The following SORL1 variants were observed in gnomAD, a reference collection of about 807,000 sequenced individuals.
The protein encoded by SORL1 is sortilin-related receptor.
Under a neutral mutation model 273.7 loss-of-function variants are expected in SORL1, and 127 were observed. That is an observed-to-expected ratio of 0.46 (90% CI 0.40 to 0.54). SORL1 has a LOEUF of 0.54. SORL1 is among the 20% of genes least tolerant of loss of function. The pLI, the probability that SORL1 is intolerant of heterozygous loss-of-function variation, is 0.00. For synonymous variants in SORL1, 1,031 were observed against 1,067.4 expected, an observed-to-expected ratio of 0.97 and a Z score of 0.66; for missense variants, 2,494 against 2,846.1, an observed-to-expected ratio of 0.88 and a Z score of 2.81.
chr11:121,622,464 G>A (rs1042223145), intron 45 of SORL1, among the ~76,000 whole-genome samples, 196 bp downstream of exon 45: 11 of 152,226 alleles, frequency 7.2e-5, no homozygotes, highest in African/African-American at 2.4e-4. Context: ...TATACTGCCC[G>A]TTAAAGATGA....
intron 32 of SORL1, among the ~76,000 whole-genome samples, chr11:121,602,931 G>A (rs1031517147): frequency 6.6e-6 from 1 of 152,184 alleles, no homozygotes; most frequent in Non-Finnish European, 1.5e-5. Flanking sequence ...GCAGAATGGA[G>A]CCACTCATGT....
At chr11:121,481,949 C>T (rs1861396149) in intron 3 of SORL1, among the ~76,000 whole-genome samples, 1 of 150,680 alleles carries the variant, frequency 6.6e-6, no homozygotes. Context: ...TCTCCTCCTC[C>T]CGAGCTCCTC....
rs949112777 is a variant in SORL1 at position 121,452,468 on chromosome 11, G to A, written c.137G>A (p.Arg46Gln). Residue 46 changes from arginine to glutamine, a missense_variant, in exon 1 of 48, where the codon CGG becomes CAG. Transcript: ENST00000260197. This position sits in a 1 kb window ranked among gnomAD's most constrained non-coding sequence, Gnocchi z 5.3. ...GGCAGCGCGCCCTTGCCCCAGGACC[G>A]GGGCTTCCTCGTGGTGCAGGGCGAC... ...HGGSAPLPQD[R>Q]GFLVVQGDPR... 3.3e-6 allele frequency: 5 copies of A among 1,506,020 alleles called. No homozygotes were observed. The South Asian group carries it at 6.2e-5, about 19-fold the overall frequency. The allele number at this position is 1,506,020 out of a possible 1,614,324, so 93.3% of individuals were successfully genotyped here.
intron 38 of SORL1, chr11:121,609,991 T>G (rs1400807947): frequency 2.0e-5 from 3 of 152,262 alleles, no homozygotes; most frequent in Non-Finnish European, 1.5e-5. Flanking sequence ...TGTTTTGCTC[T>G]GTGTTGGCCG....
intron 23 of SORL1, among the ~76,000 whole-genome samples, chr11:121,570,938 A>G (rs1862832469): frequency 6.6e-6 from 1 of 152,186 alleles, no homozygotes; most frequent in Non-Finnish European, 1.5e-5. Flanking sequence ...TCTTCACTTA[A>G]TTTTTAATAG....
intron 1 of SORL1, among the ~76,000 whole-genome samples, chr11:121,457,686 C>A (rs1298637416): frequency 6.6e-6 from 1 of 152,190 alleles, no homozygotes; most frequent in Non-Finnish European, 1.5e-5. Context: ...TCTTGCAGAG[C>A]AGGAGAGCAG....
In SORL1 at chr11:121,546,261, T is replaced by C. The variant is rs143533258; in HGVS notation, c.2051+832T>C. ...AAGACCTTAGAGGGGATGAACCTTA[T>C]TCTATAATTAGGAGGAGGCCTTCAG... On this transcript the variant is annotated intron_variant, in intron 14 of 47. Transcript: ENST00000260197. 4.6e-3 allele frequency among the ~76,000 whole-genome samples: 698 copies of C among 152,290 alleles called. 5 individuals are homozygous for C. The highest frequency in any genetic ancestry group is 0.016 in the African/African-American group (662 of 41,538).
chr11:121,536,343 C>T (rs912224525), intron 12 of SORL1, among the ~76,000 whole-genome samples: 10 of 151,742 alleles, frequency 6.6e-5, no homozygotes, highest in Admixed American at 3.3e-4. Context: ...GTACAGTTGT[C>T]GGGAGAGCCA....
At chr11:121,555,113 C>G in intron 17 of SORL1, 74 bp from the exon 18 acceptor site, 1 of 1,474,734 alleles carries the variant, frequency 6.8e-7, no homozygotes, top group Non-Finnish European at 9.1e-7. Context: ...TAAAGGGTTA[C>G]CCTTCATGGG....
At chr11:121,614,745 A>ACAG (rs1254677353) in intron 40 of SORL1, 126 bp from the exon 41 acceptor site, 3 of 730,128 alleles carry the variant, frequency 4.1e-6, no homozygotes, top group Non-Finnish European at 7.1e-6. Flanking sequence ...TGACAGTCCT[A>ACAG]CAGCACATGG....
chr11:121,558,252 G>A (rs1012002154), intron 19 of SORL1, among the ~76,000 whole-genome samples: 3 of 152,102 alleles, frequency 2.0e-5, no homozygotes, highest in Admixed American at 1.3e-4. Context: ...TTCTGTGTGA[G>A]CATATATAGA....
In SORL1 at chr11:121,485,322, G is replaced by A. The variant is rs74650424; in HGVS notation, c.529-2710G>A. Reference sequence around the variant, plus strand: ...TGAATGAAGTTCAGGAAATGTTGCCGTTTTGTTAAAAGAGCTGTTAAGGGG... The same window carrying A: ...TGAATGAAGTTCAGGAAATGTTGCCATTTTGTTAAAAGAGCTGTTAAGGGG... On this transcript the variant is annotated intron_variant, in intron 3 of 47. Coordinates refer to ENST00000260197, the MANE Select transcript of SORL1 (RefSeq NM_003105.6). Among the ~76,000 whole-genome samples, 15 of 152,290 alleles carry A rather than the reference G, an allele frequency of 9.8e-5. 1 individual carries two copies. Among genetic ancestry groups the A allele is most frequent in the African/African-American group, 3.6e-4 (15 of 41,558 alleles).
chr11:121,623,556 C>G (rs1427091855), intron 45 of SORL1, among the ~76,000 whole-genome samples: 1 of 152,144 alleles, frequency 6.6e-6, no homozygotes, highest in East Asian at 1.9e-4. Flanking sequence ...TGTGTAATCT[C>G]AATTATTTTC....
rs1343198579 is a variant in SORL1, at chr11:121,452,872, G to C, written c.285+256G>C. The C allele has an allele frequency of 2.5e-6, 1 of 405,036 alleles. No individual in the cohort carries two copies. The highest frequency in any genetic ancestry group is 2.1e-5 in the African/African-American group (1 of 48,432). 25.1% of individuals were successfully genotyped at this position (405,036 alleles called of 1,614,324 possible). ...TGCGTATTACCCCAGGGTGTGTGCA[G>C]AGAGATGTAGTTTCCGGCAGGTATA... On this transcript the variant is annotated intron_variant, in intron 1 of 47. Coordinates refer to ENST00000260197, the MANE Select transcript of SORL1 (RefSeq NM_003105.6). This position sits in a 1 kb window ranked among gnomAD's most constrained non-coding sequence, Gnocchi z 5.3.
intron 37 of SORL1, 33 bp from the exon 38 acceptor site, chr11:121,608,071 A>G (rs1863506051): frequency 1.3e-6 from 2 of 1,586,736 alleles, no homozygotes; most frequent in Non-Finnish European, 1.7e-6. Flanking sequence ...TATTGCCTTT[A>G]TTTCATATTA....
rs1450664614 is a variant in SORL1 at position 121,452,855 on chromosome 11, AC to A, written c.285+243del. On this transcript the variant is annotated intron_variant, in intron 1 of 47. Coordinates refer to ENST00000260197, the MANE Select transcript of SORL1 (RefSeq NM_003105.6). This position sits in a 1 kb window ranked among gnomAD's most constrained non-coding sequence, Gnocchi z 5.3. ...TAACTCGCCGGGTGCAGTGCGTATT[AC>A]CCCAGGGTGTGTGCAGAGAGATGTA... 4.4e-6 allele frequency: 2 copies of A among 456,474 alleles called. No homozygotes were observed. The highest frequency in any genetic ancestry group is 7.7e-6 in the Non-Finnish European group (2 of 260,122). The allele number at this position is 456,474 out of a possible 1,614,324, so 28.3% of individuals were successfully genotyped here.
intron 5 of SORL1, among the ~76,000 whole-genome samples, chr11:121,491,015 C>T (rs1488174483): frequency 1.5e-5 from 2 of 130,266 alleles, no homozygotes; most frequent in African/African-American, 5.8e-5. Context: ...GGCCCTTGAT[C>T]CAGGATGTGC....
intron 11 of SORL1, among the ~76,000 whole-genome samples, chr11:121,526,950 T>G (rs1196378704): frequency 1.3e-5 from 2 of 152,170 alleles, no homozygotes; most frequent in East Asian, 3.9e-4. Context: ...TTTTCTCTTC[T>G]TTCTTGTCCT....
chr11:121,460,644 C>T (rs1860984229), intron 1 of SORL1, among the ~76,000 whole-genome samples: 1 of 152,088 alleles, frequency 6.6e-6, no homozygotes, highest in Admixed American at 6.5e-5. Flanking sequence ...GATTCACCCA[C>T]CTTGGCCTCC....
Sources: gnomAD v4.1 joint callset for allele counts (sites outside exome capture counted in the v4.1 genomes callset) on GRCh38, gnomAD v4.1.1 for gene constraint, Gnocchi (gnomAD v3.1) non-coding constraint, MANE v1.5 for transcripts, NCBI Gene and HGNC (gene_info 2026-07-23, HGNC 2026-07-21) for gene names.